Variants in HYAL4 observed in about 807,000 individuals in gnomAD.
HYAL4 encodes hyaluronidase-4.
Under a neutral mutation model 35.2 loss-of-function variants are expected in HYAL4, and 37 were observed. That is an observed-to-expected ratio of 1.05 (90% CI 0.81 to 1.38). The LOEUF is 1.38. Ranked by LOEUF, HYAL4 falls within the 40% of genes most tolerant of loss-of-function variation. The probability of loss-of-function intolerance (pLI) is 0.00; values close to 1 mark genes in which losing one functional copy is unlikely to be tolerated. For synonymous variants in HYAL4, 198 were observed against 203.2 expected (o/e 0.97, Z 0.22); for missense variants, 572 against 572.4 (o/e 1.00, Z 0.01).
Position 123,833,014 on chromosome 7 carries a change from G to A in HYAL4, c.-257+3890G>A, listed in dbSNP as rs557143929. Among the ~76,000 whole-genome samples the A allele has an allele frequency of 6.6e-5, 10 of 152,250 alleles. No individual in the cohort carries two copies. In the South Asian group the frequency reaches 2.1e-3, roughly 32 times the overall value. On this transcript the variant is annotated intron_variant, in intron 1 of 4. Transcript: ENST00000489978. ...CACTTGTTGATTGATGGGCTTTTGG[G>A]TTGGTTCCACATATTTGCAATTGTG...
At chr7:123,805,717 C>T in the HYAL4 span, among the ~76,000 whole-genome samples, 1 of 151,996 alleles carries the variant, frequency 6.6e-6, no homozygotes, top group African/African-American at 2.4e-5. Context: ...ACTCAAAATC[C>T]ACTGTACTAA....
chr7:123,831,222 T>A (rs1025203181), intron 1 of HYAL4, among the ~76,000 whole-genome samples: 24 of 152,208 alleles, frequency 1.6e-4, no homozygotes, highest in African/African-American at 5.5e-4. Flanking sequence ...TGGGTTGTTA[T>A]AAAGCCAGGC....
rs1006623286 is a variant in HYAL4, at chr7:123,868,736, C to T, written c.463C>T (p.Arg155Trp). The change falls in exon 3 of 5, where the codon CGG (arginine) becomes TGG (tryptophan). Residue 155 changes from arginine to tryptophan, a missense_variant. By Grantham distance (101) the Arg-to-Trp change is moderately radical. Coordinates refer to ENST00000223026, the MANE Select transcript of HYAL4 (RefSeq NM_012269.3). ...GGAATATTGGCGACCACAGTGGGCCCGGAACTGGAACTCAAAAGATGTTTA... is the reference window on the plus strand; with the variant it reads ...GGAATATTGGCGACCACAGTGGGCCTGGAACTGGAACTCAAAAGATGTTTA... ...DWEYWRPQWA[R>W]NWNSKDVYRQ... is the part of the protein sequence containing the mutation. 5.6e-6 allele frequency: 9 copies of T among 1,613,766 alleles called. No individual in the cohort carries two copies. The highest frequency in any genetic ancestry group is 2.2e-5 in the East Asian group (1 of 44,890).
chr7:123,770,719 T>C, the HYAL4 span, among the ~76,000 whole-genome samples: 1 of 151,772 alleles, frequency 6.6e-6, no homozygotes, highest in Non-Finnish European at 1.5e-5. Context: ...CAATAGGAAG[T>C]AGTAGAGATT....
chr7:123,831,452 G>T (rs1484770279), intron 1 of HYAL4, among the ~76,000 whole-genome samples: 2 of 152,100 alleles, frequency 1.3e-5, no homozygotes, highest in Non-Finnish European at 2.9e-5. Flanking sequence ...TTTTTTGTGT[G>T]TAATATGATT....
intron 2 of HYAL4, among the ~76,000 whole-genome samples, chr7:123,862,213 T>G (rs1806590408): frequency 6.6e-6 from 1 of 152,146 alleles, no homozygotes; most frequent in African/African-American, 2.4e-5. Context: ...GTATATATAT[T>G]TTTCATCATT....
At chr7:123,776,186 C>G in the HYAL4 span, among the ~76,000 whole-genome samples, 1 of 152,134 alleles carries the variant, frequency 6.6e-6, no homozygotes, top group Non-Finnish European at 1.5e-5. Flanking sequence ...CTCAGCATGA[C>G]TGGGTGGCAT....
intron 2 of HYAL4, among the ~76,000 whole-genome samples, chr7:123,866,746 C>T (rs1806695417): frequency 6.6e-6 from 1 of 151,840 alleles, no homozygotes; most frequent in Non-Finnish European, 1.5e-5. Context: ...ATCGTCTTCC[C>T]TCTTCTACTA....
At chr7:123,837,312 G>A (rs1475040367) in intron 1 of HYAL4, among the ~76,000 whole-genome samples, 1 of 152,118 alleles carries the variant, frequency 6.6e-6, no homozygotes, top group African/African-American at 2.4e-5. Flanking sequence ...GTTACCTGAT[G>A]CTTTTGTCTC....
chr7:123,794,712 C>T, the HYAL4 span, among the ~76,000 whole-genome samples: 17 of 152,356 alleles, frequency 1.1e-4, no homozygotes, highest in African/African-American at 2.6e-4. Flanking sequence ...AGAGGATGTA[C>T]GGAAACACCT....
chr7:123,793,308 A>G, the HYAL4 span, among the ~76,000 whole-genome samples: 1 of 152,238 alleles, frequency 6.6e-6, no homozygotes, highest in African/African-American at 2.4e-5. Context: ...AGTATTTGCT[A>G]GACAGTTGTC....
At position 123,868,871 on chromosome 7, in the gene HYAL4, A is replaced by T; in HGVS notation, c.598A>T (p.Lys200Ter). Residue 200 changes from lysine (K) to a stop codon, truncating the protein, a stop_gained, in exon 3 of 5, where the codon AAG becomes TAG. Coordinates refer to ENST00000223026, the MANE Select transcript of HYAL4 (RefSeq NM_012269.3). LOFTEE classifies it high-confidence loss of function. The stretch of plus-strand genomic sequence containing the variant: ...TGAAGAAAGTGCAAAAGCTTTCATG[A>T]AGGAAACCATCAAATTGGGAATTAA... Reference protein sequence around the residue: ...TFEESAKAFMKETIKLGIKSR... With the variant: ...TFEESAKAFM 4.3e-6 allele frequency: 7 copies of T among 1,614,228 alleles called. No homozygotes were observed. Among genetic ancestry groups the T allele is most frequent in the Non-Finnish European group, 5.9e-6 (7 of 1,180,032 alleles).
At chr7:123,826,491 A>C (rs1344556785), upstream of HYAL4, among the ~76,000 whole-genome samples, 1 of 152,178 alleles carries the variant, frequency 6.6e-6, no homozygotes, top group Non-Finnish European at 1.5e-5. Flanking sequence ...AAAAGCACTT[A>C]TGACTAGGCA....
chr7:123,853,357 T>C (rs1806354898), intron 2 of HYAL4, among the ~76,000 whole-genome samples: 1 of 152,232 alleles, frequency 6.6e-6, no homozygotes, highest in Admixed American at 6.5e-5. Flanking sequence ...CAGTATGATA[T>C]TGGCTGTGGG....
the HYAL4 span, among the ~76,000 whole-genome samples, chr7:123,783,123 C>A: frequency 6.6e-6 from 1 of 151,940 alleles, no homozygotes; most frequent in African/African-American, 2.4e-5. Flanking sequence ...TCCTTTTATT[C>A]ATGATCAGGA....
upstream of HYAL4, among the ~76,000 whole-genome samples, chr7:123,827,521 G>A (rs1554415868): frequency 1.3e-5 from 2 of 151,214 alleles, no homozygotes; most frequent in Non-Finnish European, 2.9e-5. Context: ...ATTTTATTGT[G>A]TCTTTCTTAG....
chr7:123,807,943 T>TTAC, the HYAL4 span, among the ~76,000 whole-genome samples: 1 of 147,052 alleles, frequency 6.8e-6, no homozygotes, highest in East Asian at 2.0e-4. Context: ...ATTATTATTA[T>TTAC]TATTATTATT....
At chr7:123,827,162 G>A (rs1331165105), upstream of HYAL4, among the ~76,000 whole-genome samples, 1 of 152,064 alleles carries the variant, frequency 6.6e-6, no homozygotes, top group African/African-American at 2.4e-5. Flanking sequence ...AGCTATAGAA[G>A]AGAAGAGGTC....
the HYAL4 span, among the ~76,000 whole-genome samples, chr7:123,791,884 A>C: frequency 6.6e-6 from 1 of 152,230 alleles, no homozygotes; most frequent in Non-Finnish European, 1.5e-5. Context: ...CCATACAAGG[A>C]CTTGTAACCT....
Sources: gnomAD v4.1 joint callset for allele counts (sites outside exome capture counted in the v4.1 genomes callset) on GRCh38, gnomAD v4.1.1 for gene constraint, MANE v1.5 for transcripts, NCBI Gene and HGNC (gene_info 2026-07-23, HGNC 2026-07-21) for gene names.